The following MANEAL variants were observed in gnomAD, a reference collection of about 807,000 sequenced individuals.
MANEAL encodes the protein glycoprotein endo-alpha-1,2-mannosidase-like protein.
Under a neutral mutation model 35.9 loss-of-function variants are expected in MANEAL, and 28 were observed. The observed-to-expected ratio is 0.78, with a 90% CI of 0.58 to 1.07. The LOEUF is 1.07. Among genes scored for constraint, MANEAL ranks in the 50% least tolerant of loss-of-function variants. The probability of loss-of-function intolerance (pLI) is 0.00; values close to 1 mark genes in which losing one functional copy is unlikely to be tolerated. For missense variants in MANEAL, 576 were observed against 629.6 expected (o/e 0.91, Z 0.91); for synonymous variants, 286 against 272.2 (o/e 1.05, Z -0.50).
chr1:37,796,922 T>A, intron 3 of MANEAL, 102 bp downstream of exon 3: 1 of 1,136,876 alleles, frequency 8.8e-7, no homozygotes, highest in Non-Finnish European at 1.3e-6. Flanking sequence ...ATAATGCCTG[T>A]GTTTCCCAGC....
intron 2 of MANEAL, among the ~76,000 whole-genome samples, chr1:37,796,443 C>G (rs1646645696): frequency 6.6e-6 from 1 of 152,234 alleles, no homozygotes; most frequent in Non-Finnish European, 1.5e-5. Flanking sequence ...CATACTTATT[C>G]CACTGTTTCA....
At chr1:37,796,607 A>G (rs1557573427) in intron 2 of MANEAL, 137 bp from the exon 3 acceptor site, 2 of 772,660 alleles carry the variant, frequency 2.6e-6, no homozygotes, top group South Asian at 1.8e-5. Context: ...AGCTGCCTTT[A>G]TCTCTACTGT....
Position 37,796,829 on chromosome 1 carries a change from G to A in MANEAL, c.737+9G>A, listed in dbSNP as rs1361849258. On this transcript the variant is annotated intron_variant, in intron 3 of 3. Transcript: ENST00000373045. ...AAGTACATCATTGACACGTAAGGCT[G>A]CTCTGGGGGCCGGGATTTTGGTGGG... 1.2e-6 allele frequency: 2 copies of A among 1,606,310 alleles called. No homozygotes were observed. The highest frequency in any genetic ancestry group is 1.7e-5 in the Admixed American group (1 of 58,688).
Position 37,799,767 on chromosome 1 carries a change from A to G in MANEAL, c.938A>G (p.Asp313Gly), listed in dbSNP as rs1331203735. Residue 313 changes from aspartate to glycine, a missense_variant, in exon 4 of 4, where the codon GAT becomes GGT. Asp to Gly is a moderately conservative substitution (Grantham distance 94). Transcript: ENST00000373045. The surrounding 1 kb of genome is among the most constrained non-coding windows in gnomAD (Gnocchi z 4.1). The stretch of plus-strand genomic sequence containing the variant: ...CTGGTGGAGGAGGGCCACACCCACG[A>G]TATCCTGGCCGCCGGATTTGACGGC... ...ALLVEEGHTH[D>G]ILAAGFDGMY... 1 of 1,614,152 alleles carries G rather than the reference A, an allele frequency of 6.2e-7. No individual in the cohort carries two copies. The highest frequency in any genetic ancestry group is 8.5e-7 in the Non-Finnish European group (1 of 1,180,016).
chr1:37,796,684 T>G, intron 2 of MANEAL, 60 bp from the exon 3 acceptor site: 4 of 1,457,426 alleles, frequency 2.7e-6, no homozygotes, highest in Non-Finnish European at 2.8e-6. Context: ...ATCCTGAGCC[T>G]GATATGTTGT....
chr1:37,798,130 C>T (rs1646660610), intron 3 of MANEAL, among the ~76,000 whole-genome samples: 1 of 150,372 alleles, frequency 6.7e-6, no homozygotes, highest in South Asian at 2.1e-4. Flanking sequence ...CAGCTGAGAA[C>T]AGAGCAAGAT....
Position 37,800,816 on chromosome 1 carries a change from C to CCT in MANEAL, c.*614_*615insTC, listed in dbSNP as rs1363874813. 6.5e-6 allele frequency: 1 copy of CCT among 152,952 alleles called. No individual in the cohort carries two copies. Among genetic ancestry groups the CCT allele is most frequent in the Non-Finnish European group, 1.5e-5 (1 of 68,640 alleles). 9.5% of individuals were successfully genotyped at this position (152,952 alleles called of 1,614,324 possible). A position where few individuals can be genotyped will look rare whatever the true frequency, so the allele number is the denominator to read the frequency against. On this transcript the variant is annotated 3_prime_UTR_variant, in exon 4 of 4. Transcript: ENST00000373045. ...GTGCTAGGTGCTGGGGAAAACTTGA[C>CCT]CAAGGAAGAGTTCCTGTCCTGAAGC...
chr1:37,796,953 G>A (rs1248295679), intron 3 of MANEAL, 133 bp downstream of exon 3: 1 of 873,126 alleles, frequency 1.1e-6, no homozygotes, highest in Non-Finnish European at 1.8e-6. Flanking sequence ...TAGTAAGAGA[G>A]TACTGGGCCT....
chr1:37,800,504 T>C lies in MANEAL; in HGVS notation c.*301T>C. ...TGTAACCCCTTCTAGTTTTGAACTC[T>C]GCAGCAGGCTGGTGCTGTGTAGTGG... On this transcript the variant is annotated 3_prime_UTR_variant, in exon 4 of 4. Coordinates refer to ENST00000373045, the MANE Select transcript of MANEAL (RefSeq NM_001113482.2). The C allele has an allele frequency of 2.3e-6, 1 of 428,392 alleles. No homozygotes were observed. The highest frequency in any genetic ancestry group is 4.3e-6 in the Non-Finnish European group (1 of 230,698). 26.5% of individuals were successfully genotyped at this position (428,392 alleles called of 1,614,324 possible).
intron 1 of MANEAL, 37 bp from the exon 2 acceptor site, chr1:37,795,700 T>C (rs916275838): frequency 1.2e-6 from 2 of 1,613,566 alleles, no homozygotes; most frequent in African/African-American, 2.7e-5. Context: ...AGGGGGGTAC[T>C]GTGTGTCTCT....
At chr1:37,797,546 C>T (rs1399715696) in intron 3 of MANEAL, among the ~76,000 whole-genome samples, 1 of 148,400 alleles carries the variant, frequency 6.7e-6, no homozygotes, top group Non-Finnish European at 1.5e-5. Flanking sequence ...TCTTGGCTCA[C>T]TGCAACCTCT....
chr1:37,794,608 C>G lies in MANEAL; in HGVS notation c.426C>G (p.Pro142=). The G allele has an allele frequency of 6.2e-7, 1 of 1,611,352 alleles. No individual in the cohort carries two copies. Among genetic ancestry groups the G allele is most frequent in the Non-Finnish European group, 8.5e-7 (1 of 1,179,526 alleles). ...HWDPKISASY[P]RGRHSPPDDL... ...ACCCCAAGATCTCGGCCAGCTACCC[C>G]CGCGGCCGCCACAGCCCCCCAGACG... Residue 142 remains proline (P), a synonymous_variant, in exon 1 of 4, where the codon CCC becomes CCG. Transcript: ENST00000373045. The surrounding 1 kb of genome is among the most constrained non-coding windows in gnomAD (Gnocchi z 5.7).
At chr1:37,795,568 G>A in intron 1 of MANEAL, 169 bp from the exon 2 acceptor site, 1 of 1,436,786 alleles carries the variant, frequency 7.0e-7, no homozygotes, top group Non-Finnish European at 9.2e-7. Context: ...GGCGTGGACA[G>A]CTCCGGGGCG....
At position 37,798,166 on chromosome 1, in the gene MANEAL, A is replaced by C. The variant is rs1305829100; in HGVS notation, c.737+1346A>C. On this transcript the variant is annotated intron_variant, in intron 3 of 3. Transcript: ENST00000373045. Reference sequence around the variant, plus strand: ...TCTGTCTCTTAAAAAAACAAACAAAAAAAAAGAGAGTATTGAGTGCCTACA... The same window carrying C: ...TCTGTCTCTTAAAAAAACAAACAAACAAAAAGAGAGTATTGAGTGCCTACA... Among the ~76,000 whole-genome samples, 6 of 152,098 alleles carry C rather than the reference A, an allele frequency of 3.9e-5. No individual in the cohort carries two copies. In the East Asian group the frequency reaches 5.8e-4, roughly 15 times the overall value.
Position 37,794,129 on chromosome 1 carries a change from A to G in MANEAL, c.-54A>G, listed in dbSNP as rs1646620923. On this transcript the variant is annotated 5_prime_UTR_variant, in exon 1 of 4. An upstream start codon of the reference 5' UTR is lost. Coordinates refer to ENST00000373045, the MANE Select transcript of MANEAL (RefSeq NM_001113482.2). This position sits in a 1 kb window ranked among gnomAD's most constrained non-coding sequence, Gnocchi z 5.7. Reference sequence around the variant, plus strand: ...GAAGCGCGCGGCCGGGCGGGCGGCCATGGCGCGGCACGCTGGGAGGTAGCG... The same window carrying G: ...GAAGCGCGCGGCCGGGCGGGCGGCCGTGGCGCGGCACGCTGGGAGGTAGCG... 1.8e-6 allele frequency: 2 copies of G among 1,093,932 alleles called. No homozygotes were observed. The highest frequency in any genetic ancestry group is 1.7e-5 in the African/African-American group (1 of 59,250). The allele number at this position is 1,093,932 out of a possible 1,614,324, so 67.8% of individuals were successfully genotyped here. A position where few individuals can be genotyped will look rare whatever the true frequency, so the allele number is the denominator to read the frequency against.
Position 37,800,344 on chromosome 1 carries a change from G to T in MANEAL, c.*141G>T. Reference sequence around the variant, plus strand: ...ATGGGTGTTTCTGGGTGGGCCGTCAGGCATGGGCCTGTGCAACACAGAGCC... The same window carrying T: ...ATGGGTGTTTCTGGGTGGGCCGTCATGCATGGGCCTGTGCAACACAGAGCC... On this transcript the variant is annotated 3_prime_UTR_variant, in exon 4 of 4. Transcript: ENST00000373045. The T allele has an allele frequency of 1.0e-6, 1 of 1,002,568 alleles. No individual in the cohort carries two copies. The highest frequency in any genetic ancestry group is 1.4e-6 in the Non-Finnish European group (1 of 690,596). The allele number at this position is 1,002,568 out of a possible 1,614,324, so 62.1% of individuals were successfully genotyped here.
At position 37,800,806 on chromosome 1, in the gene MANEAL, GA is replaced by G. The variant is rs1161940390; in HGVS notation, c.*607del. On this transcript the variant is annotated 3_prime_UTR_variant, in exon 4 of 4. Coordinates refer to ENST00000373045, the MANE Select transcript of MANEAL (RefSeq NM_001113482.2). Reference sequence around the variant, plus strand: ...ACCTTCCTATGTGCTAGGTGCTGGGGAAAACTTGACCAAGGAAGAGTTCCTG... The same window carrying G: ...ACCTTCCTATGTGCTAGGTGCTGGGGAAACTTGACCAAGGAAGAGTTCCTG... 1 of 153,332 alleles carries G rather than the reference GA, an allele frequency of 6.5e-6. No homozygotes were observed. The allele number at this position is 153,332 out of a possible 1,614,324, so 9.5% of individuals were successfully genotyped here. A position where few individuals can be genotyped will look rare whatever the true frequency, so the allele number is the denominator to read the frequency against.
chr1:37,799,967 A>G lies in MANEAL; in HGVS notation c.1138A>G (p.Asn380Asp), dbSNP rs1210993658. The G allele has an allele frequency of 1.9e-6, 3 of 1,614,228 alleles. No individual in the cohort carries two copies. Among genetic ancestry groups the G allele is most frequent in the Non-Finnish European group, 2.5e-6 (3 of 1,180,030 alleles). Residue 380 changes from asparagine to aspartate, a missense_variant, in exon 4 of 4, where the codon AAT becomes GAT. Transcript: ENST00000373045. This position sits in a 1 kb window ranked among gnomAD's most constrained non-coding sequence, Gnocchi z 4.1. ...WNNHNTRNRV[N>D]GKYYETALQA... ...CAACCACAATACGCGCAACAGGGTC[A>G]ATGGCAAGTACTATGAGACGGCCCT...
At chr1:37,795,911 A>C in intron 2 of MANEAL, 65 bp downstream of exon 2, 1 of 1,437,546 alleles carries the variant, frequency 7.0e-7, no homozygotes, top group Non-Finnish European at 9.8e-7. Flanking sequence ...TCCTCCGCCC[A>C]CAGGGTTAGT....
Sources: allele counts gnomAD v4.1 joint callset (sites outside exome capture counted in the v4.1 genomes callset), GRCh38; gene constraint gnomAD v4.1.1; non-coding constraint Gnocchi (gnomAD v3.1); transcripts MANE v1.5; gene names NCBI Gene and HGNC (gene_info 2026-07-23, HGNC 2026-07-21).